EGF: variants seen among roughly 807,000 people sequenced by gnomAD.
EGF encodes the protein epidermal growth factor, also known as pro-epidermal growth factor.
EGF carries 95 observed loss-of-function variants against 143.8 expected under a neutral mutation model. That is an observed-to-expected ratio of 0.66 (90% CI 0.56 to 0.78). The LOEUF (loss-of-function observed/expected upper bound fraction) is 0.78, where lower values mean the gene tolerates loss of function less well. EGF is among the 30% of genes least tolerant of loss of function. The pLI, the probability that EGF is intolerant of heterozygous loss-of-function variation, is 0.00. For missense variants in EGF, 1,320 were observed against 1,470.9 expected (o/e 0.90, Z 1.68); for synonymous variants, 510 against 510.5 (o/e 1.00, Z 0.01).
intron 1 of EGF, among the ~76,000 whole-genome samples, chr4:109,930,656 C>T (rs1739525490): frequency 6.6e-6 from 1 of 152,128 alleles, no homozygotes; most frequent in South Asian, 2.1e-4. Flanking sequence ...AGTGTTTGCC[C>T]CCAAGGCCTG....
intron 14 of EGF, chr4:109,980,572 G>A (rs1015714741): frequency 9.6e-6 from 5 of 522,822 alleles, no homozygotes; most frequent in African/African-American, 7.7e-5. Flanking sequence ...AATCACATTT[G>A]ACTAAAGAGC....
intron 13 of EGF, 85 bp downstream of exon 13, chr4:109,976,320 T>C: frequency 4.4e-6 from 5 of 1,140,790 alleles, no homozygotes; most frequent in Non-Finnish European, 5.2e-6. Context: ...CACACACACA[T>C]ACCACTTAGC....
chr4:109,974,786 T>C lies in EGF; in HGVS notation c.1808T>C (p.Ile603Thr), dbSNP rs776610382. 4.3e-6 allele frequency: 7 copies of C among 1,613,350 alleles called. No homozygotes were observed. In the East Asian group the frequency reaches 8.9e-5, roughly 21 times the overall value. The change falls in exon 12 of 24, where the codon ATT becomes ACT. Residue 603 changes from isoleucine (I) to threonine (T), a missense_variant. Transcript: ENST00000265171. ...TKENISQPRGIAVHPMAKRLF... is the reference protein window; with the variant it reads ...TKENISQPRGTAVHPMAKRLF... ...GAGAACATCTCTCAACCACGAGGAATTGCTGTTCATCCAATGGCCAAGTAG... is the reference window on the plus strand; with the variant it reads ...GAGAACATCTCTCAACCACGAGGAACTGCTGTTCATCCAATGGCCAAGTAG...
chr4:109,944,088 A>G lies in EGF; in HGVS notation c.737+19A>G. The G allele has an allele frequency of 6.2e-7, 1 of 1,608,054 alleles. No homozygotes were observed. Among genetic ancestry groups the G allele is most frequent in the East Asian group, 2.2e-5 (1 of 44,848 alleles). On this transcript the variant is annotated intron_variant, in intron 4 of 23. Transcript: ENST00000265171. The stretch of plus-strand genomic sequence containing the variant: ...CAACACAGTAAGTTTTACTCTTGGT[A>G]TAAAATAAAACAATTGTCATTTGAA...
chr4:109,937,152 A>G (rs1740971804), intron 1 of EGF, among the ~76,000 whole-genome samples: 1 of 151,816 alleles, frequency 6.6e-6, no homozygotes. Context: ...TCCCACTTTT[A>G]TTGTGTGGGA....
In EGF at chr4:109,921,905, T is replaced by C. The variant is rs912778610; in HGVS notation, c.127+8443T>C. Among the ~76,000 whole-genome samples, 11 of 151,650 alleles carry C rather than the reference T, an allele frequency of 7.3e-5. 1 individual carries two copies. Among genetic ancestry groups the C allele is most frequent in the Non-Finnish European group, 1.3e-4 (9 of 68,034 alleles). On this transcript the variant is annotated intron_variant, in intron 1 of 23. Coordinates refer to ENST00000265171, the MANE Select transcript of EGF (RefSeq NM_001963.6). Reference sequence around the variant, plus strand: ...AAAAACAGATTAGTCAAACTGAACATTGTCATAATACATGCCGGTTGACAC... The same window carrying C: ...AAAAACAGATTAGTCAAACTGAACACTGTCATAATACATGCCGGTTGACAC...
Position 109,945,171 on chromosome 4 carries a change from A to T in EGF, c.836A>T (p.Asp279Val), listed in dbSNP as rs1407071898. The change falls in exon 5 of 24, where the codon GAC becomes GTC. Residue 279 changes from aspartate to valine, a missense_variant. Around this residue, in one of 5 missense-constraint regions of EGF, gnomAD observed 1,186 missense variants for 1,313.7 expected, o/e 0.90. Transcript: ENST00000265171. ...ATAGCCAACAAACACACTGGAAAGG[A>T]CATGGTTAGAATTAACCTCCATTCA... Reference protein sequence around the residue: ...IWIANKHTGKDMVRINLHSSF... With the variant: ...IWIANKHTGKVMVRINLHSSF... 1 of 1,614,188 alleles carries T rather than the reference A, an allele frequency of 6.2e-7. No individual in the cohort carries two copies.
chr4:109,947,037 T>C (rs931390957), intron 5 of EGF, among the ~76,000 whole-genome samples: 1 of 152,038 alleles, frequency 6.6e-6, no homozygotes, highest in Non-Finnish European at 1.5e-5. Flanking sequence ...GAGGATCACT[T>C]GAACCCAGGA....
intron 1 of EGF, among the ~76,000 whole-genome samples, chr4:109,924,893 A>G (rs1409498601): frequency 6.6e-6 from 1 of 152,230 alleles, no homozygotes; most frequent in Non-Finnish European, 1.5e-5. Context: ...AATTGTTATT[A>G]TTAGCGACGA....
chr4:109,980,032 C>T lies in EGF; in HGVS notation c.2114C>T (p.Pro705Leu), dbSNP rs1749100773. The T allele has an allele frequency of 1.2e-6, 2 of 1,613,912 alleles. No homozygotes were observed. Among genetic ancestry groups the T allele is most frequent in the Non-Finnish European group, 1.7e-6 (2 of 1,179,950 alleles). Residue 705 changes from proline to leucine, a missense_variant, in exon 14 of 24, where the codon CCA becomes CTA. Transcript: ENST00000265171. ...DYVWFSDWAMPSVMRVNKRTG... is the reference protein window; with the variant it reads ...DYVWFSDWAMLSVMRVNKRTG... ...GTGTGGTTCTCAGATTGGGCTATGC[C>T]ATCAGTAATGAGAGTAAACAAGAGG...
chr4:109,941,537 G>A (rs1056927714), intron 2 of EGF, among the ~76,000 whole-genome samples: 2 of 152,162 alleles, frequency 1.3e-5, no homozygotes, highest in Non-Finnish European at 2.9e-5. Context: ...ATTTTTGGTT[G>A]TCACAAGTAG....
intron 22 of EGF, among the ~76,000 whole-genome samples, chr4:110,005,665 A>G (rs1348722232): frequency 1.3e-5 from 2 of 152,232 alleles, no homozygotes; most frequent in Non-Finnish European, 2.9e-5. Context: ...GTCTTGAAAC[A>G]GGCTACACAT....
At chr4:109,930,478 GA>G (rs1354847693) in intron 1 of EGF, among the ~76,000 whole-genome samples, 2 of 152,148 alleles carry the variant, frequency 1.3e-5, no homozygotes, top group Non-Finnish European at 2.9e-5. Context: ...TTGAGGTCCA[GA>G]AGCTCCCTTT....
At chr4:109,969,229 G>T (rs780449605) in intron 11 of EGF, 110 bp downstream of exon 11, 44 of 1,465,462 alleles carry the variant, frequency 3.0e-5, no homozygotes, top group Non-Finnish European at 4.0e-5. Flanking sequence ...CTGGGCATTT[G>T]GTTGGGATTG....
Position 110,011,435 on chromosome 4 carries a change from C to T in EGF, c.3604C>T (p.Gln1202Ter). 6.2e-7 allele frequency: 1 copy of T among 1,614,160 alleles called. No homozygotes were observed. The highest frequency in any genetic ancestry group is 1.3e-5 in the African/African-American group (1 of 75,052). Reference protein sequence around the residue: ...WQQRALDPPHQMELTQ With the variant: ...WQQRALDPPH ...ACAAAGGGCCCTGGACCCACCACAC[C>T]AAATGGAGCTGACTCAGTGAAAACT... Residue 1202 changes from glutamine to a stop codon, truncating the protein, a stop_gained, in exon 24 of 24, where the codon CAA becomes TAA. Coordinates refer to ENST00000265171, the MANE Select transcript of EGF (RefSeq NM_001963.6). LOFTEE classifies it high-confidence loss of function.
intron 1 of EGF, among the ~76,000 whole-genome samples, chr4:109,935,311 A>C (rs1008436746): frequency 2.6e-5 from 4 of 152,022 alleles, no homozygotes; most frequent in Non-Finnish European, 4.4e-5. Flanking sequence ...GTATTTTATT[A>C]TCTTTGTAGT....
At chr4:109,913,583 T>G in intron 1 of EGF, 121 bp downstream of exon 1, 1 of 1,444,230 alleles carries the variant, frequency 6.9e-7, no homozygotes, top group South Asian at 1.2e-5. Context: ...TATAGTTGCT[T>G]AATTTTTGTT....
At chr4:109,914,503 T>C (rs1010606036) in intron 1 of EGF, among the ~76,000 whole-genome samples, 1 of 152,188 alleles carries the variant, frequency 6.6e-6, no homozygotes, top group Non-Finnish European at 1.5e-5. Context: ...AAGTTCCCGA[T>C]GAGGAAATCA....
At chr4:110,001,603 G>T in intron 21 of EGF, 1 of 985,256 alleles carries the variant, frequency 1.0e-6, no homozygotes, top group Non-Finnish European at 1.2e-6. Flanking sequence ...TATTTGTTGT[G>T]TTATGATATA....
Sources: gnomAD v4.1 joint callset for allele counts (sites outside exome capture counted in the v4.1 genomes callset) on GRCh38, gnomAD v4.1.1 for gene constraint, gnomAD v4.1.1 regional missense constraint, MANE v1.5 for transcripts, NCBI Gene and HGNC (gene_info 2026-07-23, HGNC 2026-07-21) for gene names.